The following C8A variants were observed in gnomAD, a reference collection of about 807,000 sequenced individuals.
The protein encoded by C8A is complement C8 alpha chain, also known as complement component C8 alpha chain.
In C8A, 67 loss-of-function variants were observed where a neutral mutation model predicts 65.3. The observed-to-expected ratio is 1.03, with a 90% CI of 0.84 to 1.26. C8A has a LOEUF of 1.26. C8A is among the 50% of genes most tolerant of loss of function. The pLI, the probability that C8A is intolerant of heterozygous loss-of-function variation, is 0.00. For synonymous variants in C8A, 290 were observed against 259.4 expected, an observed-to-expected ratio of 1.12 and a Z score of -1.13; for missense variants, 781 against 723.9, an observed-to-expected ratio of 1.08 and a Z score of -0.90.
intron 6 of C8A, 80 bp downstream of exon 6, chr1:56,883,761 T>C: frequency 8.2e-7 from 1 of 1,224,154 alleles, no homozygotes; most frequent in Non-Finnish European, 1.2e-6. Context: ...CATTAAAAAG[T>C]ACAGTAGTAA....
intron 7 of C8A, among the ~76,000 whole-genome samples, chr1:56,891,583 A>G (rs1570340176): frequency 6.6e-6 from 1 of 152,202 alleles, no homozygotes; most frequent in Admixed American, 6.5e-5. Context: ...AAGAATGGAC[A>G]TGAAAGAATA....
chr1:56,867,015 C>A (rs370786379), intron 1 of C8A, among the ~76,000 whole-genome samples: 2 of 152,236 alleles, frequency 1.3e-5, no homozygotes, highest in East Asian at 3.9e-4. Context: ...TTACACTGTA[C>A]ATAAAATAGA....
intron 7 of C8A, among the ~76,000 whole-genome samples, chr1:56,891,584 T>G (rs539591759): frequency 4.3e-4 from 65 of 152,192 alleles, no homozygotes; most frequent in African/African-American, 1.5e-3. Flanking sequence ...AGAATGGACA[T>G]GAAAGAATAT....
chr1:56,876,342 TC>T, intron 4 of C8A, 133 bp downstream of exon 4: 1 of 1,040,980 alleles, frequency 9.6e-7, no homozygotes, highest in South Asian at 1.3e-5. Flanking sequence ...GCTCTCATTG[TC>T]CCCAGAGATG....
At chr1:56,903,077 C>T (rs1290770272) in intron 7 of C8A, among the ~76,000 whole-genome samples, 1 of 152,056 alleles carries the variant, frequency 6.6e-6, no homozygotes, top group Non-Finnish European at 1.5e-5. Context: ...TGTGCTTATT[C>T]ATTTGGTATT....
chr1:56,861,267 T>C (rs1030417958), intron 1 of C8A, among the ~76,000 whole-genome samples: 4 of 152,228 alleles, frequency 2.6e-5, no homozygotes, highest in African/African-American at 9.6e-5. Context: ...ATATTTTATA[T>C]ACTTTAAGTT....
intron 7 of C8A, among the ~76,000 whole-genome samples, chr1:56,899,327 C>T (rs990822271): frequency 7.2e-5 from 11 of 152,278 alleles, no homozygotes; most frequent in African/African-American, 1.9e-4. Context: ...TTCCCATAGG[C>T]GGTATAATAT....
intron 6 of C8A, among the ~76,000 whole-genome samples, chr1:56,884,644 A>G (rs1557705094): frequency 6.6e-6 from 1 of 152,046 alleles, no homozygotes; most frequent in Non-Finnish European, 1.5e-5. Flanking sequence ...AAGCATGTGG[A>G]CTCCTCTAAC....
At chr1:56,886,206 A>G (rs963850497) in intron 7 of C8A, 39 bp downstream of exon 7, 5 of 1,612,228 alleles carry the variant, frequency 3.1e-6, no homozygotes, top group African/African-American at 2.7e-5. Flanking sequence ...AGTAGTCAAC[A>G]CAGACACCAG....
chr1:56,875,244 T>C (rs1254002075), intron 3 of C8A, 151 bp downstream of exon 3: 1 of 828,876 alleles, frequency 1.2e-6, no homozygotes, highest in African/African-American at 1.7e-5. Flanking sequence ...GGAATCTGCA[T>C]TTTAAGCCAA....
At chr1:56,895,939 G>A (rs1644384446) in intron 7 of C8A, among the ~76,000 whole-genome samples, 1 of 151,948 alleles carries the variant, frequency 6.6e-6, no homozygotes, top group South Asian at 2.1e-4. Context: ...ACAGAGAGAG[G>A]CCCTGTCTCA....
intron 7 of C8A, among the ~76,000 whole-genome samples, chr1:56,893,946 T>C (rs561065993): frequency 4.6e-5 from 7 of 152,200 alleles, no homozygotes; most frequent in Non-Finnish European, 7.4e-5. Context: ...GAGTACATAC[T>C]TCATAGGGTT....
At chr1:56,875,654 C>T (rs1644191252) in intron 3 of C8A, among the ~76,000 whole-genome samples, 1 of 152,038 alleles carries the variant, frequency 6.6e-6, no homozygotes, top group Admixed American at 6.6e-5. Flanking sequence ...CAGAGACTCC[C>T]AATCAGCCCA....
intron 1 of C8A, among the ~76,000 whole-genome samples, chr1:56,862,915 C>T (rs1008616151): frequency 6.6e-6 from 1 of 152,080 alleles, no homozygotes; most frequent in African/African-American, 2.4e-5. Flanking sequence ...CTCTAAAATC[C>T]CTTCAATGCA....
Position 56,876,076 on chromosome 1 carries a change from C to T in C8A, c.331C>T (p.Arg111Cys), listed in dbSNP as rs772455324. 17 of 1,613,630 alleles carry T rather than the reference C, an allele frequency of 1.1e-5. No individual in the cohort carries two copies. The highest frequency in any genetic ancestry group is 1.0e-4 in the Admixed American group (6 of 59,980). The change falls in exon 4 of 11, where the codon CGC becomes TGC. Residue 111 changes from arginine to cysteine, a missense_variant. Arg to Cys is a radical substitution (Grantham distance 180, BLOSUM62 -3). Coordinates refer to ENST00000361249, the MANE Select transcript of C8A (RefSeq NM_000562.3). ...QCKETGRCLK[R>C]HLVCNGDQDC... The stretch of plus-strand genomic sequence containing the variant: ...CTTCTCTCCAGGTCGCTGCCTGAAA[C>T]GCCACCTTGTGTGTAATGGAGACCA...
intron 4 of C8A, among the ~76,000 whole-genome samples, chr1:56,876,663 A>T (rs1002782485): frequency 2.6e-5 from 4 of 152,000 alleles, no homozygotes; most frequent in Admixed American, 6.6e-5. Context: ...TCAGGGTGAG[A>T]CAGAGAGGGG....
chr1:56,860,003 C>T (rs1358324079), intron 1 of C8A, among the ~76,000 whole-genome samples: 1 of 152,172 alleles, frequency 6.6e-6, no homozygotes, highest in Non-Finnish European at 1.5e-5. Flanking sequence ...CCGGAGGCTG[C>T]AGGGAGCCGA....
At chr1:56,890,015 C>T (rs1327482646) in intron 7 of C8A, among the ~76,000 whole-genome samples, 3 of 152,028 alleles carry the variant, frequency 2.0e-5, no homozygotes, top group African/African-American at 7.3e-5. Flanking sequence ...TCCTTCATTC[C>T]TTCTTTGGAG....
At chr1:56,870,878 C>A (rs1644140949) in intron 2 of C8A, among the ~76,000 whole-genome samples, 1 of 151,998 alleles carries the variant, frequency 6.6e-6, no homozygotes, top group Non-Finnish European at 1.5e-5. Context: ...TCAAAATCAT[C>A]CAAACAAAGA....
Sources: allele counts gnomAD v4.1 joint callset (sites outside exome capture counted in the v4.1 genomes callset), GRCh38; gene constraint gnomAD v4.1.1; transcripts MANE v1.5; gene names NCBI Gene and HGNC (gene_info 2026-07-23, HGNC 2026-07-21).